Variants in ASAP1 observed in about 807,000 individuals in gnomAD.
ASAP1 encodes the protein arf-GAP with SH3 domain, ANK repeat and PH domain-containing protein 1.
Under a neutral mutation model 145.2 loss-of-function variants are expected in ASAP1, and 43 were observed. The ratio of observed to expected loss-of-function variants is 0.30; its 90% confidence interval spans 0.23 to 0.38. The LOEUF (loss-of-function observed/expected upper bound fraction) is 0.38. ASAP1 is among the 10% of genes least tolerant of loss of function. ASAP1 has a pLI of 1.00. For synonymous variants in ASAP1, 546 were observed against 515.5 expected (o/e 1.06, Z -0.80); for missense variants, 1,018 against 1,355.3 (o/e 0.75, Z 3.91).
intron 3 of ASAP1, among the ~76,000 whole-genome samples, chr8:130,238,673 C>G (rs767307898): frequency 2.1e-4 from 32 of 152,006 alleles, no homozygotes; most frequent in Non-Finnish European, 2.9e-4. Context: ...TTACAGAAAC[C>G]TGTTAAGGAT....
chr8:130,336,326 TG>T (rs1326972520), intron 3 of ASAP1, among the ~76,000 whole-genome samples: 1 of 152,156 alleles, frequency 6.6e-6, no homozygotes, highest in Non-Finnish European at 1.5e-5. Flanking sequence ...ATTCCTAGTG[TG>T]GTCAGTGAAC....
At chr8:130,337,759 T>C (rs1429398217) in intron 3 of ASAP1, among the ~76,000 whole-genome samples, 2 of 152,166 alleles carry the variant, frequency 1.3e-5, no homozygotes, top group Admixed American at 6.5e-5. Context: ...TCCTCTCAAC[T>C]TGAAATCTCA....
intron 23 of ASAP1, among the ~76,000 whole-genome samples, chr8:130,112,756 T>C (rs976185724): frequency 1.3e-5 from 2 of 152,128 alleles, no homozygotes; most frequent in African/African-American, 4.8e-5. Context: ...TCATTTTATA[T>C]CCCCCTGCAA....
At chr8:130,309,837 C>T (rs1823223523) in intron 3 of ASAP1, among the ~76,000 whole-genome samples, 5 of 152,102 alleles carry the variant, frequency 3.3e-5, no homozygotes, top group South Asian at 4.1e-4. Flanking sequence ...CAACCATGTC[C>T]ACAAAAATCA....
intron 3 of ASAP1, among the ~76,000 whole-genome samples, chr8:130,270,646 C>A (rs1820531260): frequency 6.6e-6 from 1 of 152,156 alleles, no homozygotes; most frequent in African/African-American, 2.4e-5. Context: ...TGTTTCTTTG[C>A]AAGAAGGCAA....
chr8:130,350,492 T>C (rs547786687), intron 3 of ASAP1, among the ~76,000 whole-genome samples: 4 of 152,306 alleles, frequency 2.6e-5, no homozygotes, highest in East Asian at 3.9e-4. Flanking sequence ...AGGTAACACT[T>C]TGCTTTCCCA....
chr8:130,307,699 C>T (rs1436640521), intron 3 of ASAP1, among the ~76,000 whole-genome samples: 4 of 152,180 alleles, frequency 2.6e-5, no homozygotes, highest in African/African-American at 7.2e-5. Flanking sequence ...GGAGTAACAG[C>T]GATAAGCACC....
intron 1 of ASAP1, among the ~76,000 whole-genome samples, chr8:130,424,020 T>C (rs935060629): frequency 4.6e-5 from 7 of 152,220 alleles, no homozygotes; most frequent in African/African-American, 1.4e-4. Flanking sequence ...TCTGAATATA[T>C]TAAAAACCAC....
chr8:130,390,186 C>T (rs1228390455), intron 2 of ASAP1, among the ~76,000 whole-genome samples: 1 of 152,202 alleles, frequency 6.6e-6, no homozygotes, highest in African/African-American at 2.4e-5. Context: ...CTCTGTCTCA[C>T]ACAGTAGCCA....
intron 27 of ASAP1, among the ~76,000 whole-genome samples, chr8:130,072,830 C>CGTGTGCGTGCGCGCGCGCGCGCGCACG (rs1448184178): frequency 9.4e-5 from 3 of 31,922 alleles, no homozygotes; most frequent in African/African-American, 6.1e-4. Flanking sequence ...TGTGTGCGCG[C>CGTGTGCGTGCGCGCGCGCGCGCGCACG]GGGGGGGGGC....
intron 3 of ASAP1, among the ~76,000 whole-genome samples, chr8:130,336,264 G>T (rs1474063676): frequency 6.6e-6 from 1 of 152,152 alleles, no homozygotes; most frequent in East Asian, 1.9e-4. Flanking sequence ...TTACAAAAGG[G>T]CATGTGTGCG....
At position 130,390,489 on chromosome 8, in the gene ASAP1, T is replaced by C. The variant is rs76825705; in HGVS notation, c.59+11396A>G. On this transcript the variant is annotated intron_variant, in intron 2 of 29. Coordinates refer to ENST00000518721, the MANE Select transcript of ASAP1 (RefSeq NM_018482.4). ...CTGTATTTAAGGCATAATATGCTAT[T>C]AGGAATATATGATTACACCTACCAT... Among the ~76,000 whole-genome samples, 949 of 152,350 alleles carry C rather than the reference T, an allele frequency of 6.2e-3. 6 individuals are homozygous for C. The highest frequency in any genetic ancestry group is 0.021 in the African/African-American group (888 of 41,564).
chr8:130,420,231 G>T (rs1348001816), intron 1 of ASAP1, among the ~76,000 whole-genome samples: 1 of 115,066 alleles, frequency 8.7e-6, no homozygotes, highest in Non-Finnish European at 1.7e-5. Context: ...TGGCCATAAT[G>T]AAATACACAC....
intron 3 of ASAP1, among the ~76,000 whole-genome samples, chr8:130,265,147 A>G (rs1206684035): frequency 6.6e-6 from 1 of 152,176 alleles, no homozygotes; most frequent in Non-Finnish European, 1.5e-5. Flanking sequence ...TGTTCCCTTC[A>G]GTTCCCCAGA....
intron 25 of ASAP1, among the ~76,000 whole-genome samples, chr8:130,089,205 C>T (rs1002885294): frequency 5.3e-5 from 8 of 152,094 alleles, no homozygotes; most frequent in African/African-American, 1.9e-4. Flanking sequence ...GATGACTAAA[C>T]ATTAACATAA....
chr8:130,149,357 A>T (rs770967137), intron 13 of ASAP1, among the ~76,000 whole-genome samples: 3 of 151,576 alleles, frequency 2.0e-5, no homozygotes, highest in East Asian at 3.9e-4. Context: ...TGGTAAAAGA[A>T]TTTTTTTTGT....
rs367993156 is a variant in ASAP1, at chr8:130,423,152, G to T, written c.-28+20308C>A. ...AGAGTCTCGCTCTGTCACCCAGGCT[G>T]GAGTGCAGTGGGTCAATCTCGGCTC... On this transcript the variant is annotated intron_variant, in intron 1 of 29. Transcript: ENST00000518721. 6.4e-4 allele frequency among the ~76,000 whole-genome samples: 98 copies of T among 152,158 alleles called. 3 individuals are homozygous for T. In the South Asian group the frequency reaches 0.019, roughly 30 times the overall value.
At chr8:130,348,612 C>T (rs557265754) in intron 3 of ASAP1, among the ~76,000 whole-genome samples, 5 of 152,188 alleles carry the variant, frequency 3.3e-5, no homozygotes, top group African/African-American at 1.2e-4. Flanking sequence ...CTTGACCTAA[C>T]TCCTGCCCAC....
intron 18 of ASAP1, among the ~76,000 whole-genome samples, chr8:130,122,947 T>G (rs887179668): frequency 6.6e-6 from 1 of 152,364 alleles, no homozygotes; most frequent in African/African-American, 2.4e-5. Context: ...GAGTGCACTG[T>G]GTATGTGCTT....
Sources: gnomAD v4.1 joint callset for allele counts (sites outside exome capture counted in the v4.1 genomes callset) on GRCh38, gnomAD v4.1.1 for gene constraint, MANE v1.5 for transcripts, NCBI Gene and HGNC (gene_info 2026-07-23, HGNC 2026-07-21) for gene names.